Variants in SH3RF2 observed in about 807,000 individuals in gnomAD.
SH3RF2 encodes the protein SH3 domain containing ring finger 2.
SH3RF2 carries 43 observed loss-of-function variants against 59.0 expected under a neutral mutation model. The observed-to-expected ratio is 0.73, with a 90% CI of 0.57 to 0.94. SH3RF2 has a LOEUF of 0.94. Ranked by LOEUF, SH3RF2 falls within the 40% of genes least tolerant of loss-of-function variation. The pLI is 0.00. For synonymous variants in SH3RF2, 391 were observed against 391.5 expected, an observed-to-expected ratio of 1.00 and a Z score of 0.01; for missense variants, 930 against 940.1, an observed-to-expected ratio of 0.99 and a Z score of 0.14.
chr5:146,080,316 A>G (rs1487554017), exon 10 of SH3RF2: 1 of 152,124 alleles, frequency 6.6e-6, no homozygotes, highest in East Asian at 1.9e-4. Flanking sequence ...ATAAAGAGAA[A>G]AATTCATGCC....
intron 2 of SH3RF2, among the ~76,000 whole-genome samples, chr5:145,957,174 T>C (rs1423886412): frequency 1.3e-5 from 2 of 152,238 alleles, no homozygotes; most frequent in African/African-American, 4.8e-5. Flanking sequence ...TTATAAAATT[T>C]ATTCCCTAAA....
At chr5:146,029,548 G>A (rs1761667831) in intron 5 of SH3RF2, among the ~76,000 whole-genome samples, 1 of 152,140 alleles carries the variant, frequency 6.6e-6, no homozygotes, top group African/African-American at 2.4e-5. Flanking sequence ...GCACTCCCTG[G>A]GGGCCATGCT....
chr5:146,050,387 G>A, intron 7 of SH3RF2, among the ~76,000 whole-genome samples: 1 of 152,196 alleles, frequency 6.6e-6, no homozygotes, highest in East Asian at 1.9e-4. Context: ...TAGCTGGTGA[G>A]GTGGTGGACT....
chr5:146,019,801 G>A (rs957058387), intron 5 of SH3RF2, among the ~76,000 whole-genome samples: 4 of 151,978 alleles, frequency 2.6e-5, no homozygotes, highest in East Asian at 1.9e-4. Context: ...AGTTCTCCTT[G>A]TAGAGATCTT....
chr5:145,997,314 C>T (rs1760203784), intron 2 of SH3RF2: 6 of 1,084,632 alleles, frequency 5.5e-6, no homozygotes, highest in Non-Finnish European at 7.2e-6. Context: ...GCTAGTGAAA[C>T]CAGAGCAGCT....
intron 2 of SH3RF2, among the ~76,000 whole-genome samples, chr5:145,969,384 G>C (rs1224266349): frequency 6.6e-6 from 1 of 152,190 alleles, no homozygotes; most frequent in Non-Finnish European, 1.5e-5. Context: ...TGGGAAGTAA[G>C]AAGAAAGGTG....
At chr5:146,064,794 AGGAAGGAAGGAAGG>A (rs1763046414), downstream of SH3RF2, among the ~76,000 whole-genome samples, 4 of 36,712 alleles carry the variant, frequency 1.1e-4, 1 homozygote, top group African/African-American at 3.8e-4. Context: ...GAAGGAAGGA[AGGAAGGAAGGAAGG>A]AAAGAAAGAA....
At chr5:146,064,732 AAGGAAGGAAGGAAGGAAGG>A (rs1763029637), downstream of SH3RF2, among the ~76,000 whole-genome samples, 1 of 9,414 alleles carries the variant, frequency 1.1e-4, no homozygotes, top group African/African-American at 2.3e-4. Flanking sequence ...GAAAGAAAGG[AAGGAAGGAAGGAAGGAAGG>A]AAGGAAGGAA....
intron 9 of SH3RF2, among the ~76,000 whole-genome samples, chr5:146,071,008 G>C (rs1763222671): frequency 6.6e-6 from 1 of 152,100 alleles, no homozygotes; most frequent in Non-Finnish European, 1.5e-5. Context: ...TTGATGTCAG[G>C]GTTTGACTGC....
intron 2 of SH3RF2, among the ~76,000 whole-genome samples, chr5:145,958,143 CAAA>C (rs904618955): frequency 6.6e-6 from 1 of 151,392 alleles, no homozygotes; most frequent in Non-Finnish European, 1.5e-5. Context: ...CAAAACAAAA[CAAA>C]AAAACCTGTG....
Position 146,013,950 on chromosome 5 carries a change from A to C in SH3RF2, c.948A>C (p.Ser316=). 6.2e-7 allele frequency: 1 copy of C among 1,614,128 alleles called. No individual in the cohort carries two copies. The part of the protein sequence containing the change: ...NTLNRMVHSP[S]GRHMVEISTP... ...TCAACCGGATGGTCCATTCTCCTTCAGGGCGCCATATGGTAGAGATCAGCA... is the reference window on the plus strand; with the variant it reads ...TCAACCGGATGGTCCATTCTCCTTCCGGGCGCCATATGGTAGAGATCAGCA... The change falls in exon 5 of 10, where the codon TCA becomes TCC. Residue 316 remains serine (S), a synonymous_variant. Coordinates refer to ENST00000359120, the MANE Select transcript of SH3RF2 (RefSeq NM_152550.4).
chr5:146,047,325 T>G (rs2150013890), intron 5 of SH3RF2, among the ~76,000 whole-genome samples: 1 of 152,328 alleles, frequency 6.6e-6, no homozygotes, highest in Non-Finnish European at 1.5e-5. Flanking sequence ...AACAATTCCT[T>G]TAATAAGGAT....
chr5:145,997,089 A>G, intron 2 of SH3RF2: 2 of 581,488 alleles, frequency 3.4e-6, no homozygotes, highest in Non-Finnish European at 6.2e-6. Context: ...TTACACAGGT[A>G]AACTCGTATC....
intron 2 of SH3RF2, among the ~76,000 whole-genome samples, chr5:145,963,281 T>C (rs1758707554): frequency 6.6e-6 from 1 of 151,380 alleles, no homozygotes; most frequent in Non-Finnish European, 1.5e-5. Flanking sequence ...GATGGATGGA[T>C]GGATGGATTA....
downstream of SH3RF2, among the ~76,000 whole-genome samples, chr5:146,064,866 G>A (rs867017520): frequency 3.5e-4 from 29 of 84,038 alleles, 2 homozygotes; most frequent in African/African-American, 7.6e-4. Flanking sequence ...GAAAGAAAGA[G>A]AAAGAAAAAG....
intron 6 of SH3RF2, among the ~76,000 whole-genome samples, chr5:146,048,726 C>T (rs1336812744): frequency 6.6e-6 from 1 of 152,148 alleles, no homozygotes; most frequent in Non-Finnish European, 1.5e-5. Context: ...TAGCTATTCC[C>T]ACCTCCACAG....
chr5:145,958,381 T>G (rs565231819), intron 2 of SH3RF2, among the ~76,000 whole-genome samples: 2 of 151,498 alleles, frequency 1.3e-5, no homozygotes, highest in South Asian at 2.1e-4. Flanking sequence ...TTCTTAGGAG[T>G]TGGTTCAGGG....
intron 2 of SH3RF2, among the ~76,000 whole-genome samples, chr5:145,951,325 C>T (rs1013181338): frequency 6.6e-6 from 1 of 152,180 alleles, no homozygotes; most frequent in Non-Finnish European, 1.5e-5. Context: ...AGTAGCTCTG[C>T]CTCCCTCATG....
intron 5 of SH3RF2, among the ~76,000 whole-genome samples, chr5:146,025,836 A>C (rs1456743504): frequency 6.6e-6 from 1 of 152,234 alleles, no homozygotes; most frequent in Non-Finnish European, 1.5e-5. Flanking sequence ...TGGTAACTAA[A>C]TGACATTGAA....
Sources: gnomAD v4.1 joint callset for allele counts (sites outside exome capture counted in the v4.1 genomes callset) on GRCh38, gnomAD v4.1.1 for gene constraint, MANE v1.5 for transcripts, NCBI Gene and HGNC (gene_info 2026-07-23, HGNC 2026-07-21) for gene names.